The following BMPR2 variants were observed in gnomAD, a reference collection of about 807,000 sequenced individuals.
BMPR2 encodes bone morphogenetic protein receptor type-2.
Under a neutral mutation model 100.8 loss-of-function variants are expected in BMPR2, and 29 were observed. The observed-to-expected ratio is 0.29, with a 90% CI of 0.21 to 0.39. The LOEUF (loss-of-function observed/expected upper bound fraction) is 0.39. BMPR2 is among the 10% of genes least tolerant of loss of function. The pLI is 1.00. For synonymous variants in BMPR2, 382 were observed against 442.3 expected, an observed-to-expected ratio of 0.86 and a Z score of 1.71; for missense variants, 1,011 against 1,274.5, an observed-to-expected ratio of 0.79 and a Z score of 3.15.
intron 7 of BMPR2, among the ~76,000 whole-genome samples, chr2:202,526,755 C>T (rs1310546050): frequency 1.3e-5 from 2 of 152,152 alleles, no homozygotes; most frequent in African/African-American, 4.8e-5. Context: ...TTAAACAGAG[C>T]TGTTACTCTG....
chr2:202,529,816 T>C (rs1687984392), intron 7 of BMPR2, among the ~76,000 whole-genome samples: 1 of 152,192 alleles, frequency 6.6e-6, no homozygotes, highest in Non-Finnish European at 1.5e-5. Context: ...CTGAGTCTAT[T>C]TGTGCCAAAA....
In BMPR2 at chr2:202,563,996, A is replaced by T. The variant is rs1688715430; in HGVS notation, c.*4050A>T. The T allele has an allele frequency of 6.6e-6, 1 of 152,224 alleles. No homozygotes were observed. Among genetic ancestry groups the T allele is most frequent in the Admixed American group, 6.5e-5 (1 of 15,284 alleles). The allele number at this position is 152,224 out of a possible 1,614,324, so 9.4% of individuals were successfully genotyped here. On this transcript the variant is annotated 3_prime_UTR_variant, in exon 13 of 13. Coordinates refer to ENST00000374580, the MANE Select transcript of BMPR2 (RefSeq NM_001204.7). ...GTGAAAATATTTAAAGAGAGAAAGGAACACTCAAGTAAGTGTGGGCTTCAG... is the reference window on the plus strand; with the variant it reads ...GTGAAAATATTTAAAGAGAGAAAGGTACACTCAAGTAAGTGTGGGCTTCAG...
At position 202,530,795 on chromosome 2, in the gene BMPR2, T is replaced by C. The variant is rs780884801; in HGVS notation, c.969T>C (p.Asp323=). The C allele has an allele frequency of 5.0e-6, 8 of 1,609,526 alleles. No individual in the cohort carries two copies. The East Asian group carries it at 1.8e-4, about 36-fold the overall frequency. The change falls in exon 8 of 13, where the codon GAT becomes GAC. Residue 323 remains aspartate (D), a splice_region_variant and synonymous_variant. Transcript: ENST00000374580. ...AYLHTELPRG[D]HYKPAISHRD... is the part of the protein sequence containing the mutation. ...AAATATTTGAAATTATCCAAACAGA[T>C]CATTATAAACCTGCAATTTCCCATC...
Position 202,426,243 on chromosome 2 carries a change from C to G in BMPR2, c.77-38566C>G, listed in dbSNP as rs182890258. ...TAGAACACGAGCAAGAAATAAACTT[C>G]TGTTATTTAAAGCCACTGAGATTTT... is the stretch of plus-strand genomic sequence containing the variant. On this transcript the variant is annotated intron_variant, in intron 1 of 12. Transcript: ENST00000374580. 2.9e-4 allele frequency among the ~76,000 whole-genome samples: 44 copies of G among 152,230 alleles called. No homozygotes were observed. The East Asian group carries it at 7.9e-3, about 27-fold the overall frequency.
At chr2:202,465,813 A>G (rs955133629) in intron 2 of BMPR2, among the ~76,000 whole-genome samples, 5 of 152,128 alleles carry the variant, frequency 3.3e-5, no homozygotes, top group Non-Finnish European at 5.9e-5. Flanking sequence ...AGATCGCACC[A>G]CTGCACTCCA....
At chr2:202,418,224 C>T (rs1383669101) in intron 1 of BMPR2, among the ~76,000 whole-genome samples, 1 of 152,098 alleles carries the variant, frequency 6.6e-6, no homozygotes, top group East Asian at 1.9e-4. Flanking sequence ...GCATCCAGGC[C>T]CTTCTACATG....
At chr2:202,480,312 A>C (rs1692634414) in intron 3 of BMPR2, among the ~76,000 whole-genome samples, 1 of 151,920 alleles carries the variant, frequency 6.6e-6, no homozygotes, top group Non-Finnish European at 1.5e-5. Flanking sequence ...TATTTTTAGT[A>C]GAGATGGGGT....
intron 3 of BMPR2, among the ~76,000 whole-genome samples, chr2:202,491,083 G>C (rs1014659378): frequency 6.6e-6 from 1 of 151,686 alleles, no homozygotes; most frequent in Non-Finnish European, 1.5e-5. Context: ...CACTATGCCC[G>C]GCTAATTTTT....
At chr2:202,512,212 G>A (rs1264990930) in intron 3 of BMPR2, among the ~76,000 whole-genome samples, 6 of 152,128 alleles carry the variant, frequency 3.9e-5, no homozygotes, top group African/African-American at 7.2e-5. Context: ...ACTCTTTGCC[G>A]TAGAGGCATC....
At chr2:202,510,337 A>G (rs2105999191) in intron 3 of BMPR2, among the ~76,000 whole-genome samples, 1 of 152,294 alleles carries the variant, frequency 6.6e-6, no homozygotes, top group Admixed American at 6.5e-5. Flanking sequence ...AAATCACTTG[A>G]ACCCAGGTGG....
intron 1 of BMPR2, among the ~76,000 whole-genome samples, chr2:202,442,834 T>G (rs1397650137): frequency 6.6e-6 from 1 of 150,806 alleles, no homozygotes; most frequent in African/African-American, 2.5e-5. Flanking sequence ...TTTGTTTATC[T>G]GTTCATCTGT....
At chr2:202,422,546 C>T (rs1236787492) in intron 1 of BMPR2, among the ~76,000 whole-genome samples, 2 of 151,352 alleles carry the variant, frequency 1.3e-5, no homozygotes, top group Non-Finnish European at 1.5e-5. Flanking sequence ...GACCTCATGA[C>T]CCGCCTGCCT....
chr2:202,390,572 T>G (rs1270973537), intron 1 of BMPR2, among the ~76,000 whole-genome samples: 1 of 152,172 alleles, frequency 6.6e-6, no homozygotes, highest in Admixed American at 6.6e-5. Context: ...CCTCAGGTGA[T>G]ACACATGCCT....
At chr2:202,544,763 T>C (rs1246588348) in intron 10 of BMPR2, among the ~76,000 whole-genome samples, 2 of 10,626 alleles carry the variant, frequency 1.9e-4, no homozygotes, top group Non-Finnish European at 4.3e-4. Flanking sequence ...TTTTCTTTCT[T>C]TTTTTTTTTT....
chr2:202,460,485 G>A (rs1332676434), intron 1 of BMPR2, among the ~76,000 whole-genome samples: 4 of 152,108 alleles, frequency 2.6e-5, no homozygotes, highest in Admixed American at 2.6e-4. Flanking sequence ...AGAACATACT[G>A]TACTGATATC....
intron 3 of BMPR2, among the ~76,000 whole-genome samples, chr2:202,470,504 G>A (rs1037572156): frequency 6.6e-6 from 1 of 152,148 alleles, no homozygotes; most frequent in African/African-American, 2.4e-5. Flanking sequence ...GCTCACGCCT[G>A]TAATCCCAGC....
At chr2:202,533,968 T>C (rs764859253) in intron 9 of BMPR2, among the ~76,000 whole-genome samples, 4 of 152,174 alleles carry the variant, frequency 2.6e-5, no homozygotes, top group Admixed American at 6.5e-5. Flanking sequence ...GGCATTGCAT[T>C]CTTCTAGGTG....
intron 1 of BMPR2, among the ~76,000 whole-genome samples, chr2:202,395,375 T>A (rs1364836976): frequency 6.6e-6 from 1 of 152,226 alleles, no homozygotes; most frequent in East Asian, 1.9e-4. Context: ...CCAGAAAGAT[T>A]ACTATTCTTG....
chr2:202,401,807 T>C (rs928295892), intron 1 of BMPR2, among the ~76,000 whole-genome samples: 5 of 152,256 alleles, frequency 3.3e-5, no homozygotes, highest in African/African-American at 9.6e-5. Context: ...CCCAGCTTCT[T>C]AACAAAGATA....
Sources: allele counts gnomAD v4.1 joint callset (sites outside exome capture counted in the v4.1 genomes callset), GRCh38; gene constraint gnomAD v4.1.1; transcripts MANE v1.5; gene names NCBI Gene and HGNC (gene_info 2026-07-23, HGNC 2026-07-21).